The following CTNNBL1 variants were observed in gnomAD, a reference collection of about 807,000 sequenced individuals.
CTNNBL1 encodes the protein beta-catenin-like protein 1.
Under a neutral mutation model 72.7 loss-of-function variants are expected in CTNNBL1, and 31 were observed. That is an observed-to-expected ratio of 0.43 (90% confidence interval 0.32 to 0.58). The LOEUF (loss-of-function observed/expected upper bound fraction) is 0.58, where lower values mean the gene tolerates loss of function less well. Ranked by LOEUF, CTNNBL1 falls within the 20% of genes least tolerant of loss-of-function variation. The pLI is 0.08. For missense variants in CTNNBL1, 534 were observed against 725.1 expected (o/e 0.74, Z 3.03); for synonymous variants, 240 against 267.3 (o/e 0.90, Z 1.00).
At chr20:37,808,061 C>T (rs1381521446) in intron 11 of CTNNBL1, among the ~76,000 whole-genome samples, 1 of 152,144 alleles carries the variant, frequency 6.6e-6, no homozygotes, top group Admixed American at 6.5e-5. Flanking sequence ...CACAGTTCCC[C>T]TGGAGGCTGT....
intron 1 of CTNNBL1, among the ~76,000 whole-genome samples, chr20:37,704,491 G>T (rs1371774724): frequency 6.6e-6 from 1 of 151,948 alleles, no homozygotes; most frequent in Non-Finnish European, 1.5e-5. Context: ...GAGGTGGGAG[G>T]ATCTCTTGAG....
intron 11 of CTNNBL1, among the ~76,000 whole-genome samples, chr20:37,828,402 AT>A (rs1454922001): frequency 6.6e-6 from 1 of 152,106 alleles, no homozygotes; most frequent in Admixed American, 6.5e-5. Context: ...TTTTTTAAAA[AT>A]ATGCCTATTG....
At chr20:37,743,146 A>ATTT (rs10656932) in intron 3 of CTNNBL1, among the ~76,000 whole-genome samples, 5,157 of 140,150 alleles carry the variant, frequency 0.037, 296 homozygotes, top group African/African-American at 0.13. Context: ...ACTCAGCACA[A>ATTT]TTTTTTTTTT....
At chr20:37,777,488 G>A in intron 8 of CTNNBL1, 71 bp downstream of exon 8, 2 of 1,516,398 alleles carry the variant, frequency 1.3e-6, no homozygotes, top group Non-Finnish European at 1.8e-6. Flanking sequence ...ATGACAGCAA[G>A]CTCTCTTGCC....
intron 3 of CTNNBL1, among the ~76,000 whole-genome samples, 174 bp downstream of exon 3, chr20:37,737,658 G>A (rs2073182433): frequency 1.3e-5 from 2 of 152,290 alleles, no homozygotes; most frequent in African/African-American, 4.8e-5. Context: ...TGATACTCAG[G>A]GCTGTGGTTT....
intron 5 of CTNNBL1, among the ~76,000 whole-genome samples, chr20:37,764,325 T>G (rs1319322798): frequency 6.6e-6 from 1 of 152,214 alleles, no homozygotes; most frequent in Non-Finnish European, 1.5e-5. Context: ...AACTAGATGT[T>G]TCCTTAGTTA....
rs77635586 is a variant in CTNNBL1 at position 37,760,903 on chromosome 20, A to G, written c.564+3247A>G. Among the ~76,000 whole-genome samples the G allele has an allele frequency of 1.8e-4, 27 of 152,326 alleles. No homozygotes were observed. The East Asian group carries it at 3.3e-3, about 18-fold the overall frequency. On this transcript the variant is annotated intron_variant, in intron 5 of 15. Coordinates refer to ENST00000361383, the MANE Select transcript of CTNNBL1 (RefSeq NM_030877.5). ...TTTTTTTCAGTTTAAAAAATATTTC[A>G]AAAACATTTTGAACAAACACTCAAT...
intron 1 of CTNNBL1, among the ~76,000 whole-genome samples, chr20:37,719,465 G>C (rs1218685643): frequency 2.0e-5 from 3 of 152,124 alleles, no homozygotes; most frequent in Non-Finnish European, 4.4e-5. Context: ...TCAGTGTTGT[G>C]GTTCTCACAA....
At chr20:37,707,288 C>T (rs999533140) in intron 1 of CTNNBL1, among the ~76,000 whole-genome samples, 2 of 152,224 alleles carry the variant, frequency 1.3e-5, no homozygotes, top group Admixed American at 6.5e-5. Context: ...CCTAGATGGC[C>T]TCTTCTTCCA....
intron 1 of CTNNBL1, 83 bp downstream of exon 1, chr20:37,694,235 C>T: frequency 7.9e-7 from 1 of 1,267,898 alleles, no homozygotes; most frequent in Non-Finnish European, 1.1e-6. Context: ...ATCTCACCTC[C>T]TCTCGCCTCA....
At chr20:37,697,876 G>A (rs1376695199) in intron 1 of CTNNBL1, among the ~76,000 whole-genome samples, 1 of 152,218 alleles carries the variant, frequency 6.6e-6, no homozygotes, top group Non-Finnish European at 1.5e-5. Context: ...CAAGTGAAAT[G>A]TACCTCAAGG....
intron 4 of CTNNBL1, chr20:37,756,480 G>C (rs1459606725): frequency 6.6e-6 from 1 of 151,974 alleles, no homozygotes; most frequent in Non-Finnish European, 1.5e-5. Context: ...CTGTGTGTGT[G>C]TGTGAGAGAG....
At chr20:37,823,211 G>A (rs2072125835) in intron 11 of CTNNBL1, among the ~76,000 whole-genome samples, 1 of 152,204 alleles carries the variant, frequency 6.6e-6, no homozygotes, top group South Asian at 2.1e-4. Context: ...TGTTTTTCCA[G>A]TAGTCTCTGA....
chr20:37,751,269 C>T (rs1373398516), intron 4 of CTNNBL1: 1 of 151,970 alleles, frequency 6.6e-6, no homozygotes, highest in African/African-American at 2.4e-5. Context: ...TTCTCTCCAC[C>T]CCTTTGTGAG....
chr20:37,808,589 G>A (rs926757149), intron 11 of CTNNBL1, among the ~76,000 whole-genome samples: 2 of 152,150 alleles, frequency 1.3e-5, no homozygotes, highest in Non-Finnish European at 2.9e-5. Flanking sequence ...TCCATCTCCA[G>A]ATACTTTTCC....
intron 10 of CTNNBL1, among the ~76,000 whole-genome samples, chr20:37,779,905 A>G (rs1313886719): frequency 6.6e-6 from 1 of 152,072 alleles, no homozygotes; most frequent in African/African-American, 2.4e-5. Flanking sequence ...TGGATCTTAT[A>G]TTAGTTTCAC....
chr20:37,860,161 C>A, intron 14 of CTNNBL1, 111 bp from the exon 15 acceptor site: 1 of 1,477,322 alleles, frequency 6.8e-7, no homozygotes. Flanking sequence ...TACTCTACAT[C>A]AGCCTTTTGT....
chr20:37,794,351 C>G (rs1464510205), intron 10 of CTNNBL1, among the ~76,000 whole-genome samples: 2 of 152,132 alleles, frequency 1.3e-5, no homozygotes, highest in African/African-American at 4.8e-5. Context: ...CAGTCTTGCT[C>G]TGTCACCCAG....
intron 10 of CTNNBL1, among the ~76,000 whole-genome samples, chr20:37,799,343 C>A (rs868802702): frequency 1.3e-5 from 2 of 152,148 alleles, no homozygotes; most frequent in African/African-American, 4.8e-5. Context: ...CTGTCATGAC[C>A]GTGTTCCTCG....
Sources: allele counts gnomAD v4.1 joint callset (sites outside exome capture counted in the v4.1 genomes callset), GRCh38; gene constraint gnomAD v4.1.1; transcripts MANE v1.5; gene names NCBI Gene and HGNC (gene_info 2026-07-23, HGNC 2026-07-21).